Variants in PHF24 observed in about 807,000 individuals in gnomAD.
The protein encoded by PHF24 is Galpha inhibitory interacting protein.
A neutral mutation model predicts 42.6 loss-of-function variants in PHF24; 25 were observed. That is an observed-to-expected ratio of 0.59 (90% CI 0.43 to 0.82). PHF24 has a LOEUF of 0.82. Ranked by LOEUF, PHF24 falls within the 40% of genes least tolerant of loss-of-function variation. The pLI is 0.00. For synonymous variants in PHF24, 185 were observed against 204.8 expected (o/e 0.90, Z 0.83); for missense variants, 470 against 538.1 (o/e 0.87, Z 1.25).
chr9:34,889,682 C>G, the PHF24 span: 2 of 398,374 alleles, frequency 5.0e-6, no homozygotes, highest in Non-Finnish European at 8.9e-6. Context: ...TTACCAGACC[C>G]TGCAACTCTT....
the PHF24 span, among the ~76,000 whole-genome samples, chr9:34,758,821 T>C: frequency 4.6e-5 from 7 of 152,102 alleles, no homozygotes; most frequent in Admixed American, 4.6e-4. The surrounding 1 kb of genome is among the most constrained non-coding windows in gnomAD (Gnocchi z 4.4). Context: ...TCTCCTGTAG[T>C]AAGGACTGTG....
the PHF24 span, among the ~76,000 whole-genome samples, chr9:34,883,984 G>A: frequency 0.019 from 2,830 of 152,316 alleles, 105 homozygotes; most frequent in African/African-American, 0.065. Flanking sequence ...ATCAGTGATA[G>A]ACTGGATTAA....
the PHF24 span, among the ~76,000 whole-genome samples, chr9:34,705,600 G>A: frequency 1.4e-4 from 22 of 152,218 alleles, no homozygotes; most frequent in African/African-American, 4.3e-4. Context: ...GCCTTTACAC[G>A]CATACATGCA....
chr9:34,783,523 A>G, the PHF24 span, among the ~76,000 whole-genome samples: 1 of 152,114 alleles, frequency 6.6e-6, no homozygotes, highest in African/African-American at 2.4e-5. Context: ...TCTCTATTGC[A>G]CTCACCCCTG....
the PHF24 span, among the ~76,000 whole-genome samples, chr9:34,779,548 T>C: frequency 1.3e-5 from 2 of 152,104 alleles, no homozygotes; most frequent in African/African-American, 4.8e-5. Flanking sequence ...GACCCCCTAA[T>C]GGCCAAAACA....
chr9:34,940,426 C>G, the PHF24 span, among the ~76,000 whole-genome samples: 3 of 151,558 alleles, frequency 2.0e-5, no homozygotes, highest in South Asian at 6.2e-4. Context: ...CCTGTCTTGA[C>G]TGGTGAGCCA....
chr9:34,912,286 A>G, the PHF24 span, among the ~76,000 whole-genome samples: 1 of 152,094 alleles, frequency 6.6e-6, no homozygotes, highest in African/African-American at 2.4e-5. Context: ...TCTTTTCTCT[A>G]ACTACCTTGT....
chr9:34,723,900 G>T, the PHF24 span: 1 of 1,551,660 alleles, frequency 6.4e-7, no homozygotes, highest in Non-Finnish European at 8.7e-7. Context: ...GGGTGATGCT[G>T]GGGGCTGTGT....
chr9:34,946,907 A>G, the PHF24 span, among the ~76,000 whole-genome samples: 4 of 152,246 alleles, frequency 2.6e-5, no homozygotes, highest in Admixed American at 2.0e-4. Flanking sequence ...AAAGAAATCA[A>G]AAGTTCCCAG....
the PHF24 span, among the ~76,000 whole-genome samples, chr9:34,780,763 C>T: frequency 2.6e-5 from 4 of 152,092 alleles, no homozygotes; most frequent in Admixed American, 2.6e-4. Context: ...ACTACAATGG[C>T]AAAATAAACC....
the PHF24 span, among the ~76,000 whole-genome samples, chr9:34,685,010 C>T: frequency 1.3e-5 from 2 of 152,140 alleles, no homozygotes; most frequent in African/African-American, 4.8e-5. Flanking sequence ...TCCAACCCTG[C>T]CCTGCCTGCC....
the PHF24 span, among the ~76,000 whole-genome samples, chr9:34,898,169 G>A: frequency 2.6e-5 from 4 of 152,218 alleles, no homozygotes; most frequent in African/African-American, 9.6e-5. Flanking sequence ...TAATGGCTTC[G>A]TTTCCTCCAG....
the PHF24 span, among the ~76,000 whole-genome samples, chr9:34,682,409 T>C: frequency 6.6e-6 from 1 of 152,138 alleles, no homozygotes; most frequent in Non-Finnish European, 1.5e-5. Context: ...GATGTGGTAA[T>C]TTCTAAGGCT....
the PHF24 span, among the ~76,000 whole-genome samples, chr9:34,787,449 C>A: frequency 1.3e-5 from 2 of 152,090 alleles, no homozygotes; most frequent in South Asian, 2.1e-4. Flanking sequence ...TTGGTGGAAG[C>A]TGGAAACGAG....
At chr9:34,966,455 C>T (rs10122262) in intron 1 of PHF24, among the ~76,000 whole-genome samples, 81,389 of 151,750 alleles carry the variant, frequency 0.54, 22,375 homozygotes, top group East Asian at 0.71. Context: ...CGACCTGTAG[C>T]CCCAGCTATG....
At chr9:34,971,465 A>G in exon 2 of PHF24, 1 of 1,614,178 alleles carries the variant, frequency 6.2e-7, no homozygotes, top group Non-Finnish European at 8.5e-7. Flanking sequence ...CAGGAGGTAC[A>G]GGAGGAGAAG....
the PHF24 span, among the ~76,000 whole-genome samples, chr9:34,864,660 T>C: frequency 6.6e-6 from 1 of 151,952 alleles, no homozygotes; most frequent in African/African-American, 2.4e-5. Flanking sequence ...AGTACTTCAA[T>C]CAGAAAGAAA....
the PHF24 span, among the ~76,000 whole-genome samples, chr9:34,730,522 C>G: frequency 6.6e-6 from 1 of 152,164 alleles, no homozygotes; most frequent in Non-Finnish European, 1.5e-5. Flanking sequence ...GTGCTCAGCC[C>G]TAAGCTGGGG....
chr9:34,916,078 A>G, the PHF24 span, among the ~76,000 whole-genome samples: 1 of 152,160 alleles, frequency 6.6e-6, no homozygotes, highest in African/African-American at 2.4e-5. Flanking sequence ...AAGTTTCCCA[A>G]GGCCTCCCCA....
Sources: gnomAD v4.1 joint callset for allele counts (sites outside exome capture counted in the v4.1 genomes callset) on GRCh38, gnomAD v4.1.1 for gene constraint, Gnocchi (gnomAD v3.1) non-coding constraint, MANE v1.5 for transcripts, NCBI Gene and HGNC (gene_info 2026-07-23, HGNC 2026-07-21) for gene names.